SEPTIN9: variants seen among roughly 807,000 people sequenced by gnomAD.
SEPTIN9 encodes the protein septin-9.
Under a neutral mutation model 56.6 loss-of-function variants are expected in SEPTIN9, and 13 were observed. The observed-to-expected ratio is 0.23, with a 90% CI of 0.15 to 0.37. SEPTIN9 has a LOEUF of 0.37. Among genes scored for constraint, SEPTIN9 ranks in the 10% least tolerant of loss-of-function variants. The probability of loss-of-function intolerance (pLI) is 1.00; values close to 1 mark genes in which losing one functional copy is unlikely to be tolerated. For missense variants in SEPTIN9, 650 were observed against 823.1 expected, an observed-to-expected ratio of 0.79 and a Z score of 2.57; for synonymous variants, 332 against 334.1, an observed-to-expected ratio of 0.99 and a Z score of 0.07.
At position 77,498,683 on chromosome 17, in the gene SEPTIN9, T is replaced by TG; in HGVS notation, c.*25_*26insG. On this transcript the variant is annotated 3_prime_UTR_variant, in exon 12 of 12. Coordinates refer to ENST00000427177, the MANE Select transcript of SEPTIN9 (RefSeq NM_001113491.2). ...GACGCCACCCTGCCCACCCCCGGGA[T>TG]CCTGCCCCCAAGTCATTTCCGTCCC... 7.1e-7 allele frequency: 1 copy of TG among 1,400,884 alleles called. No individual in the cohort carries two copies. Among genetic ancestry groups the TG allele is most frequent in the East Asian group, 2.7e-5 (1 of 37,078 alleles). The allele number at this position is 1,400,884 out of a possible 1,614,324, so 86.8% of individuals were successfully genotyped here.
Position 77,296,545 on chromosome 17 carries a change from C to T in SEPTIN9, c.20-10596C>T, listed in dbSNP as rs373340224. On this transcript the variant is annotated intron_variant, in intron 1 of 11. Transcript: ENST00000427177. Reference sequence around the variant, plus strand: ...AGGCAGGCAGATAGACACAGACAGGCAGACAGACAGACAGACAGATGATAG... The same window carrying T: ...AGGCAGGCAGATAGACACAGACAGGTAGACAGACAGACAGACAGATGATAG... Among the ~76,000 whole-genome samples, 10 of 152,132 alleles carry T rather than the reference C, an allele frequency of 6.6e-5. No individual in the cohort carries two copies. In the South Asian group the frequency reaches 2.1e-3, roughly 32 times the overall value.
chr17:77,311,501 G>C (rs2032491778), intron 2 of SEPTIN9, among the ~76,000 whole-genome samples: 1 of 152,164 alleles, frequency 6.6e-6, no homozygotes, highest in South Asian at 2.1e-4. Context: ...GGCCCTGTGG[G>C]GGCAAGGCCT....
intron 3 of SEPTIN9, among the ~76,000 whole-genome samples, chr17:77,478,803 T>TTA (rs1339425532): frequency 2.6e-4 from 27 of 102,692 alleles, no homozygotes; most frequent in African/African-American, 8.2e-4. Context: ...AAACTCTGTC[T>TTA]AAAAAAAAAA....
Position 77,499,648 on chromosome 17 carries a change from G to A in SEPTIN9, c.*990G>A. The A allele has an allele frequency of 2.3e-6, 1 of 434,024 alleles. No individual in the cohort carries two copies. The highest frequency in any genetic ancestry group is 4.4e-6 in the Non-Finnish European group (1 of 227,804). 26.9% of individuals were successfully genotyped at this position (434,024 alleles called of 1,614,324 possible). On this transcript the variant is annotated 3_prime_UTR_variant, in exon 12 of 12. Coordinates refer to ENST00000427177, the MANE Select transcript of SEPTIN9 (RefSeq NM_001113491.2). ...CCTGCCCAAGTGACCAGGGAAGTGT[G>A]TGTGTGTCCATGTGTATGCGTGTCC... is the stretch of plus-strand genomic sequence containing the variant.
chr17:77,441,548 C>T (rs967065870), intron 3 of SEPTIN9, among the ~76,000 whole-genome samples: 43 of 152,370 alleles, frequency 2.8e-4, no homozygotes, highest in African/African-American at 9.4e-4. Flanking sequence ...GCCTGTCAAG[C>T]ACCCATACAG....
intron 1 of SEPTIN9, among the ~76,000 whole-genome samples, chr17:77,299,449 A>G (rs2031944562): frequency 1.3e-5 from 2 of 152,262 alleles, no homozygotes; most frequent in African/African-American, 4.8e-5. Flanking sequence ...CATGCCTACA[A>G]TCCCAGTGCT....
chr17:77,484,706 G>C (rs1345968366), intron 4 of SEPTIN9, among the ~76,000 whole-genome samples: 4 of 122,804 alleles, frequency 3.3e-5, no homozygotes, highest in African/African-American at 1.3e-4. Context: ...TGTGATGGTG[G>C]TGATGTGGGT....
intron 1 of SEPTIN9, chr17:77,294,825 G>A (rs1598477127): frequency 6.6e-6 from 1 of 152,160 alleles, no homozygotes; most frequent in African/African-American, 2.4e-5. Flanking sequence ...CACTGCGCAC[G>A]TTTTTCCGGC....
At chr17:77,401,745 G>C (rs1015763246) in intron 2 of SEPTIN9, among the ~76,000 whole-genome samples, 2 of 151,928 alleles carry the variant, frequency 1.3e-5, no homozygotes, top group African/African-American at 4.8e-5. Context: ...GGAAATAAAA[G>C]TCTTCTCTGG....
At chr17:77,383,190 C>T (rs12949064) in intron 2 of SEPTIN9, among the ~76,000 whole-genome samples, 2,572 of 148,080 alleles carry the variant, frequency 0.017, 125 homozygotes, top group East Asian at 0.17. Flanking sequence ...CCTTCTCTCC[C>T]TCCCTCCCTC....
intron 4 of SEPTIN9, among the ~76,000 whole-genome samples, chr17:77,484,517 G>GT (rs2039601153): frequency 8.4e-6 from 1 of 119,388 alleles, no homozygotes; most frequent in African/African-American, 3.6e-5. Context: ...GATGGTGATG[G>GT]TGGTAATTGT....
rs1201130191 is a variant in SEPTIN9 at position 77,434,326 on chromosome 17, G to A, written c.721+31623G>A. On this transcript the variant is annotated intron_variant, in intron 3 of 11. Transcript: ENST00000427177. This position sits in a 1 kb window ranked among gnomAD's most constrained non-coding sequence, Gnocchi z 5.0. ...CTGTCCACCCGCAGGGCCTGCAGGAGCATCCTGAGAGTTGGTAGGGTGGCC... is the reference window on the plus strand; with the variant it reads ...CTGTCCACCCGCAGGGCCTGCAGGAACATCCTGAGAGTTGGTAGGGTGGCC... 6.6e-6 allele frequency among the ~76,000 whole-genome samples: 1 copy of A among 152,214 alleles called. No individual in the cohort carries two copies. Among genetic ancestry groups the A allele is most frequent in the African/African-American group, 2.4e-5 (1 of 41,452 alleles).
chr17:77,349,119 CAG>C (rs754797053), intron 2 of SEPTIN9, among the ~76,000 whole-genome samples: 14 of 151,712 alleles, frequency 9.2e-5, no homozygotes, highest in Non-Finnish European at 1.8e-4. Context: ...ATTTTTGAGA[CAG>C]AGTCTCACTC....
Position 77,450,595 on chromosome 17 carries a change from C to A in SEPTIN9, c.722-31549C>A. 1 of 985,740 alleles carries A rather than the reference C, an allele frequency of 1.0e-6. No homozygotes were observed. The highest frequency in any genetic ancestry group is 1.7e-5 in the African/African-American group (1 of 57,348). The allele number at this position is 985,740 out of a possible 1,614,324, so 61.1% of individuals were successfully genotyped here. The stretch of plus-strand genomic sequence containing the variant: ...AGATCCCAGCGTCCAGGCCCAGCCC[C>A]TATAGTGTCAGCTCCCTCCTCTGGG... On this transcript the variant is annotated intron_variant, in intron 3 of 11. Coordinates refer to ENST00000427177, the MANE Select transcript of SEPTIN9 (RefSeq NM_001113491.2). This position sits in a 1 kb window ranked among gnomAD's most constrained non-coding sequence, Gnocchi z 6.0.
chr17:77,475,825 A>G lies in SEPTIN9; in HGVS notation c.722-6319A>G. 2 of 1,613,530 alleles carry G rather than the reference A, an allele frequency of 1.2e-6. No individual in the cohort carries two copies. The highest frequency in any genetic ancestry group is 1.7e-6 in the Non-Finnish European group (2 of 1,179,864). On this transcript the variant is annotated intron_variant, in intron 3 of 11. Coordinates refer to ENST00000427177, the MANE Select transcript of SEPTIN9 (RefSeq NM_001113491.2). The surrounding 1 kb of genome is among the most constrained non-coding windows in gnomAD (Gnocchi z 4.6). Reference sequence around the variant, plus strand: ...CCGGCTCCCCTGCCGTGGCCTGGTCAGTGGCTTCACAGGCCTCCGTGGGCA... The same window carrying G: ...CCGGCTCCCCTGCCGTGGCCTGGTCGGTGGCTTCACAGGCCTCCGTGGGCA...
chr17:77,315,246 C>G (rs998577782), intron 2 of SEPTIN9, among the ~76,000 whole-genome samples: 2 of 151,372 alleles, frequency 1.3e-5, no homozygotes, highest in Non-Finnish European at 2.9e-5. Flanking sequence ...GAAAAAGAAG[C>G]AGTTCCTAGG....
At chr17:77,311,499 G>C (rs151142978) in intron 2 of SEPTIN9, among the ~76,000 whole-genome samples, 1 of 152,290 alleles carries the variant, frequency 6.6e-6, no homozygotes, top group African/African-American at 2.4e-5. Flanking sequence ...AGGGCCCTGT[G>C]GGGGCAAGGC....
intron 2 of SEPTIN9, among the ~76,000 whole-genome samples, chr17:77,312,211 G>A (rs372032318): frequency 5.9e-5 from 9 of 152,220 alleles, no homozygotes; most frequent in African/African-American, 1.4e-4. Flanking sequence ...TTTAGAGGAC[G>A]ATTACCACTT....
In SEPTIN9 at chr17:77,444,346, T is replaced by C. The variant is rs759769871; in HGVS notation, c.722-37798T>C. Reference sequence around the variant, plus strand: ...ATGGGAGGTGGGTGTTGGTAAGGGATGATCCCAGTGGTCCAGGGGAGCAGT... The same window carrying C: ...ATGGGAGGTGGGTGTTGGTAAGGGACGATCCCAGTGGTCCAGGGGAGCAGT... On this transcript the variant is annotated intron_variant, in intron 3 of 11. Transcript: ENST00000427177. 3.9e-5 allele frequency among the ~76,000 whole-genome samples: 6 copies of C among 152,030 alleles called. No individual in the cohort carries two copies. The South Asian group carries it at 1.0e-3, about 26-fold the overall frequency.
Sources: allele counts gnomAD v4.1 joint callset (sites outside exome capture counted in the v4.1 genomes callset), GRCh38; gene constraint gnomAD v4.1.1; non-coding constraint Gnocchi (gnomAD v3.1); transcripts MANE v1.5; gene names NCBI Gene and HGNC (gene_info 2026-07-23, HGNC 2026-07-21).